The following USP17L2 variants were observed in gnomAD, a reference collection of about 807,000 sequenced individuals.
USP17L2 encodes the protein ubiquitin carboxyl-terminal hydrolase 17.
USP17L2 carries 29 observed loss-of-function variants against 39.8 expected under a neutral mutation model. The observed-to-expected ratio is 0.73, with a 90% CI of 0.54 to 0.99. The LOEUF (loss-of-function observed/expected upper bound fraction) is 0.99, where lower values mean the gene tolerates loss of function less well. Among genes scored for constraint, USP17L2 ranks in the 50% least tolerant of loss-of-function variants. The pLI is 0.00. For missense variants in USP17L2, 567 were observed against 647.2 expected (o/e 0.88, Z 1.35); for synonymous variants, 231 against 252.7 (o/e 0.91, Z 0.81).
Position 12,137,101 on chromosome 8 carries a change from G to A in USP17L2, c.*67C>T. 1 of 1,455,052 alleles carries A rather than the reference G, an allele frequency of 6.9e-7. No individual in the cohort carries two copies. The highest frequency in any genetic ancestry group is 9.4e-7 in the Non-Finnish European group (1 of 1,068,064). 90.1% of individuals were successfully genotyped at this position (1,455,052 alleles called of 1,614,324 possible). On this transcript the variant is annotated 3_prime_UTR_variant, in exon 1 of 1. Coordinates refer to ENST00000333796, the MANE Select transcript of USP17L2 (RefSeq NM_201402.3). Reference sequence around the variant, plus strand: ...TGTGTGTGTGTTTGCGTGCGCGCTTGTGGGTGTATTTGTGCGTGTGTGTGT... The same window carrying A: ...TGTGTGTGTGTTTGCGTGCGCGCTTATGGGTGTATTTGTGCGTGTGTGTGT...
rs377536053 is a variant in USP17L2 at position 12,137,978 on chromosome 8, C to T, written c.783G>A (p.Ala261=). ...GTAAAGTTAACGTCTTGGAGGCCGG[C>T]GCCCTCTGGAGACAAAGACCGCAAT... ...AYHCGLCLQR[A]PASKTLTLHT... The change falls in exon 1 of 1, where the codon GCG becomes GCA. Residue 261 remains alanine (A), a synonymous_variant. Coordinates refer to ENST00000333796, the MANE Select transcript of USP17L2 (RefSeq NM_201402.3). The T allele has an allele frequency of 1.2e-4, 181 of 1,500,766 alleles. 9 individuals carry two copies. Among genetic ancestry groups the T allele is most frequent in the African/African-American group, 8.7e-4 (58 of 66,636 alleles). 93.0% of individuals were successfully genotyped at this position (1,500,766 alleles called of 1,614,324 possible).
rs201618621 is a variant in USP17L2 at position 12,137,424 on chromosome 8, G to A, written c.1337C>T (p.Thr446Met). ...TTTTCTGACGTTGAACTCAGGCTTC[G>A]TTTTGTTTTGCTCTTGGGGGAATTT... ...HWKFPQEQNKTKPEFNVRKVE... is the reference protein window; with the variant it reads ...HWKFPQEQNKMKPEFNVRKVE... The change falls in exon 1 of 1, where the codon ACG becomes ATG. Residue 446 changes from threonine to methionine, a missense_variant. By Grantham distance (81) the Thr-to-Met change is moderately conservative. This residue lies in a region of USP17L2 where 304 missense variants were observed against 254.7 expected (regional missense o/e 1.19). Transcript: ENST00000333796. 3.0e-4 allele frequency: 467 copies of A among 1,532,354 alleles called. 37 individuals carry two copies. The African/African-American group carries it at 3.5e-3, about 11-fold the overall frequency. 94.9% of individuals were successfully genotyped at this position (1,532,354 alleles called of 1,614,324 possible).
chr8:12,137,807 G>A lies in USP17L2; in HGVS notation c.954C>T (p.Val318=), dbSNP rs1199709247. 2 of 1,480,998 alleles carry A rather than the reference G, an allele frequency of 1.4e-6. No homozygotes were observed. The highest frequency in any genetic ancestry group is 2.4e-4 in the Middle Eastern group (1 of 4,162). The allele number at this position is 1,480,998 out of a possible 1,614,324, so 91.7% of individuals were successfully genotyped here. ...SQQNTGPLVY[V]LYAVLVHAGW... ...CAGCGTGGACCAGCACAGCATAGAG[G>A]ACATAGACAAGAGGTCCTGTGTTCT... The change falls in exon 1 of 1, where the codon GTC becomes GTT. Residue 318 remains valine (V), a synonymous_variant. Coordinates refer to ENST00000333796, the MANE Select transcript of USP17L2 (RefSeq NM_201402.3).
Position 12,137,599 on chromosome 8 carries a change from C to T in USP17L2, c.1162G>A (p.Gly388Ser), listed in dbSNP as rs751578611. 1.3e-6 allele frequency: 2 copies of T among 1,523,552 alleles called. No homozygotes were observed. Among genetic ancestry groups the T allele is most frequent in the African/African-American group, 1.5e-5 (1 of 67,918 alleles). The allele number at this position is 1,523,552 out of a possible 1,614,324, so 94.4% of individuals were successfully genotyped here. A position where few individuals can be genotyped will look rare whatever the true frequency, so the allele number is the denominator to read the frequency against. The change falls in exon 1 of 1, where the codon GGC becomes AGC. Residue 388 changes from glycine to serine, a missense_variant. Around this residue, in one of 6 missense-constraint regions of USP17L2, gnomAD observed 304 missense variants for 254.7 expected, o/e 1.19. Coordinates refer to ENST00000333796, the MANE Select transcript of USP17L2 (RefSeq NM_201402.3). Reference sequence around the variant, plus strand: ...GCGCCGAGGGCTCTTGGTTCCCTGCCTCTTGACACACTCTCACTGTGTCTT... The same window carrying T: ...GCGCCGAGGGCTCTTGGTTCCCTGCTTCTTGACACACTCTCACTGTGTCTT... ...WERHSESVSR[G>S]REPRALGAED...
In USP17L2 at chr8:12,137,826, G is replaced by C; in HGVS notation, c.935C>G (p.Thr312Arg). The change falls in exon 1 of 1, where the codon ACA becomes AGA. Residue 312 changes from threonine (T) to arginine (R), a missense_variant. Transcript: ENST00000333796. ...DMQPYMSQQN[T>R]GPLVYVLYAV... Reference sequence around the variant, plus strand: ...ATAGAGGACATAGACAAGAGGTCCTGTGTTCTGCTGAGACATGTATGGCTG... The same window carrying C: ...ATAGAGGACATAGACAAGAGGTCCTCTGTTCTGCTGAGACATGTATGGCTG... 2.0e-6 allele frequency: 3 copies of C among 1,472,240 alleles called. No individual in the cohort carries two copies. Among genetic ancestry groups the C allele is most frequent in the South Asian group, 1.2e-5 (1 of 80,308 alleles). The allele number at this position is 1,472,240 out of a possible 1,614,324, so 91.2% of individuals were successfully genotyped here. A position where few individuals can be genotyped will look rare whatever the true frequency, so the allele number is the denominator to read the frequency against.
rs1383673724 is a variant in USP17L2 at position 12,137,987 on chromosome 8, G to T, written c.774C>A (p.Leu258=). 1 of 1,491,870 alleles carries T rather than the reference G, an allele frequency of 6.7e-7. No homozygotes were observed. Among genetic ancestry groups the T allele is most frequent in the Non-Finnish European group, 9.1e-7 (1 of 1,101,892 alleles). 92.4% of individuals were successfully genotyped at this position (1,491,870 alleles called of 1,614,324 possible). ...ACGTCTTGGAGGCCGGCGCCCTCTG[G>T]AGACAAAGACCGCAATGATAGGCAT... ...GENAYHCGLC[L]QRAPASKTLT... The change falls in exon 1 of 1, where the codon CTC becomes CTA. Residue 258 remains leucine (L), a synonymous_variant. Transcript: ENST00000333796.
At chr8:12,137,777 C>T in the USP17L2 span, 5 of 1,490,920 alleles carry the variant, frequency 3.4e-6, no homozygotes, top group Admixed American at 1.8e-5. Context: ...CGTGACAACT[C>T]CACCCAGCGT....
rs1486840146 is a variant in USP17L2 at position 12,137,651 on chromosome 8, G to C, written c.1110C>G (p.Leu370=). 1 of 1,530,282 alleles carries C rather than the reference G, an allele frequency of 6.5e-7. No homozygotes were observed. The highest frequency in any genetic ancestry group is 8.8e-7 in the Non-Finnish European group (1 of 1,131,934). The allele number at this position is 1,530,282 out of a possible 1,614,324, so 94.8% of individuals were successfully genotyped here. Residue 370 remains leucine, a synonymous_variant, in exon 1 of 1, where the codon CTC becomes CTG. Transcript: ENST00000333796. ...CCCATTCACTCTTCTGGATGTAAAAGAGGACATAGGCCTGTTGACTCAGGA... is the reference window on the plus strand; with the variant it reads ...CCCATTCACTCTTCTGGATGTAAAACAGGACATAGGCCTGTTGACTCAGGA... ...TSVLSQQAYV[L]FYIQKSEWER...
At position 12,137,119 on chromosome 8, in the gene USP17L2, G is replaced by T. The variant is rs1204991718; in HGVS notation, c.*49C>A. ...CGCGCTTGTGGGTGTATTTGTGCGT[G>T]TGTGTGTGTGCGTTCACCCCTACGT... On this transcript the variant is annotated 3_prime_UTR_variant, in exon 1 of 1. Transcript: ENST00000333796. 36 of 1,493,480 alleles carry T rather than the reference G, an allele frequency of 2.4e-5. 3 individuals are homozygous for T. The highest frequency in any genetic ancestry group is 3.2e-5 in the Non-Finnish European group (35 of 1,102,272). The allele number at this position is 1,493,480 out of a possible 1,614,324, so 92.5% of individuals were successfully genotyped here.
Position 12,137,003 on chromosome 8 carries a change from G to T in USP17L2, c.*165C>A, listed in dbSNP as rs188454321. On this transcript the variant is annotated 3_prime_UTR_variant, in exon 1 of 1. Transcript: ENST00000333796. The stretch of plus-strand genomic sequence containing the variant: ...GAGATGCAGCCATCACTATCCAGTT[G>T]TCCCTGTTGTAGAGACAGAAACTTG... 2.3e-3 allele frequency among the ~76,000 whole-genome samples: 325 copies of T among 140,824 alleles called. 37 individuals are homozygous for T. Among genetic ancestry groups the T allele is most frequent in the African/African-American group, 7.1e-3 (266 of 37,388 alleles). 92.4% of individuals were successfully genotyped at this position (140,824 alleles called of 152,430 possible). A position where few individuals can be genotyped will look rare whatever the true frequency, so the allele number is the denominator to read the frequency against.
Position 12,137,387 on chromosome 8 carries a change from G to T in USP17L2, c.1374C>A (p.Thr458=), listed in dbSNP as rs767223033. 2.6e-6 allele frequency: 4 copies of T among 1,531,850 alleles called. No individual in the cohort carries two copies. Among genetic ancestry groups the T allele is most frequent in the Non-Finnish European group, 3.5e-6 (4 of 1,135,320 alleles). 94.9% of individuals were successfully genotyped at this position (1,531,850 alleles called of 1,614,324 possible). A position where few individuals can be genotyped will look rare whatever the true frequency, so the allele number is the denominator to read the frequency against. ...PEFNVRKVEG[T]LPPNVLVIHQ... is the part of the protein sequence containing the mutation. Reference sequence around the variant, plus strand: ...GAATCACAAGTACGTTGGGAGGCAGGGTACCTTCGACTTTTCTGACGTTGA... The same window carrying T: ...GAATCACAAGTACGTTGGGAGGCAGTGTACCTTCGACTTTTCTGACGTTGA... Residue 458 remains threonine (T), a synonymous_variant, in exon 1 of 1, where the codon ACC becomes ACA. Coordinates refer to ENST00000333796, the MANE Select transcript of USP17L2 (RefSeq NM_201402.3).
rs549702401 is a variant in USP17L2 at position 12,137,246 on chromosome 8, G to C, written c.1515C>G (p.Leu505=). ...TDQESVNTGT[L]ASLQGRTRRS... The stretch of plus-strand genomic sequence containing the variant: ...TCCTGGTCCTCCCTTGCAGAGAAGC[G>C]AGGGTGCCAGTGTTCACGGACTCCT... Residue 505 remains leucine (L), a synonymous_variant, in exon 1 of 1, where the codon CTC becomes CTG. Transcript: ENST00000333796. 1.4e-5 allele frequency: 21 copies of C among 1,530,274 alleles called. 2 individuals carry two copies. Among genetic ancestry groups the C allele is most frequent in the Non-Finnish European group, 1.9e-5 (21 of 1,134,812 alleles). 94.8% of individuals were successfully genotyped at this position (1,530,274 alleles called of 1,614,324 possible). A position where few individuals can be genotyped will look rare whatever the true frequency, so the allele number is the denominator to read the frequency against.
Position 12,137,772 on chromosome 8 carries a change from C to A in USP17L2, c.989G>T (p.Cys330Phe), listed in dbSNP as rs201342238. 548 of 1,492,596 alleles carry A rather than the reference C, an allele frequency of 3.7e-4. 47 individuals are homozygous for A. In the South Asian group the frequency reaches 5.3e-3, roughly 14 times the overall value. 92.5% of individuals were successfully genotyped at this position (1,492,596 alleles called of 1,614,324 possible). Residue 330 changes from cysteine to phenylalanine, a missense_variant, in exon 1 of 1, where the codon TGT becomes TTT. By Grantham distance (205) the Cys-to-Phe change is radical. Transcript: ENST00000333796. Reference protein sequence around the residue: ...YAVLVHAGWSCHDGHYFSYVK... With the variant: ...YAVLVHAGWSFHDGHYFSYVK... The stretch of plus-strand genomic sequence containing the variant: ...ATAAGAGAAGTAATGTCCGTCGTGA[C>A]AACTCCACCCAGCGTGGACCAGCAC...
In USP17L2 at chr8:12,138,839, C is replaced by G. The variant is rs554653265; in HGVS notation, c.-79G>C. On this transcript the variant is annotated 5_prime_UTR_variant, in exon 1 of 1. Coordinates refer to ENST00000333796, the MANE Select transcript of USP17L2 (RefSeq NM_201402.3). The stretch of plus-strand genomic sequence containing the variant: ...AAGACGCTATCTCTTCCAAGAGAGT[C>G]TTCAAATGACGAGCTCTCTGGCCGC... 1.0e-6 allele frequency: 1 copy of G among 980,446 alleles called. No individual in the cohort carries two copies. The highest frequency in any genetic ancestry group is 1.4e-5 in the South Asian group (1 of 69,190). 60.7% of individuals were successfully genotyped at this position (980,446 alleles called of 1,614,324 possible).
rs376305799 is a variant in USP17L2 at position 12,137,375 on chromosome 8, G to T, written c.1386C>A (p.Asn462Lys). ...ATTTCGATTGATGAATCACAAGTAC[G>T]TTGGGAGGCAGGGTACCTTCGACTT... Reference protein sequence around the residue: ...VRKVEGTLPPNVLVIHQSKYK... With the variant: ...VRKVEGTLPPKVLVIHQSKYK... Residue 462 changes from asparagine to lysine, a missense_variant, in exon 1 of 1, where the codon AAC becomes AAA. By Grantham distance (94) the Asn-to-Lys change is moderately conservative. Around this residue, in one of 6 missense-constraint regions of USP17L2, gnomAD observed 304 missense variants for 254.7 expected, o/e 1.19. Coordinates refer to ENST00000333796, the MANE Select transcript of USP17L2 (RefSeq NM_201402.3). The T allele has an allele frequency of 1.4e-5, 22 of 1,531,712 alleles. 3 individuals are homozygous for T. Among genetic ancestry groups the T allele is most frequent in the Middle Eastern group, 2.3e-4 (1 of 4,438 alleles). The allele number at this position is 1,531,712 out of a possible 1,614,324, so 94.9% of individuals were successfully genotyped here.
chr8:12,137,785 C>T lies in USP17L2; in HGVS notation c.976G>A (p.Ala326Thr), dbSNP rs375059946. ...VYVLYAVLVH[A>T]GWSCHDGHYF... ...TGTCCGTCGTGACAACTCCACCCAGCGTGGACCAGCACAGCATAGAGGACA... is the reference window on the plus strand; with the variant it reads ...TGTCCGTCGTGACAACTCCACCCAGTGTGGACCAGCACAGCATAGAGGACA... Residue 326 changes from alanine to threonine, a missense_variant, in exon 1 of 1, where the codon GCT becomes ACT. Coordinates refer to ENST00000333796, the MANE Select transcript of USP17L2 (RefSeq NM_201402.3). 5.2e-5 allele frequency: 77 copies of T among 1,486,492 alleles called. 8 individuals are homozygous for T. In the African/African-American group the frequency reaches 6.1e-4, roughly 12 times the overall value. The allele number at this position is 1,486,492 out of a possible 1,614,324, so 92.1% of individuals were successfully genotyped here.
Position 12,136,435 on chromosome 8 carries a change from T to A in USP17L2, c.*733A>T, listed in dbSNP as rs1483132977. Among the ~76,000 whole-genome samples the A allele has an allele frequency of 2.1e-5, 3 of 141,068 alleles. No individual in the cohort carries two copies. The highest frequency in any genetic ancestry group is 4.6e-5 in the Non-Finnish European group (3 of 65,016). 92.5% of individuals were successfully genotyped at this position (141,068 alleles called of 152,430 possible). On this transcript the variant is annotated 3_prime_UTR_variant, in exon 1 of 1. Coordinates refer to ENST00000333796, the MANE Select transcript of USP17L2 (RefSeq NM_201402.3). ...TATTTCAGTTGAATACACACACTCC[T>A]GTGTTTGATTTCCTTTATTATCAAT...
rs375221330 is a variant in USP17L2, at chr8:12,137,497, C to G, written c.1264G>C (p.Glu422Gln). The G allele has an allele frequency of 4.6e-6, 7 of 1,532,684 alleles. 1 individual carries two copies. In the East Asian group the frequency reaches 1.0e-4, roughly 23 times the overall value. 94.9% of individuals were successfully genotyped at this position (1,532,684 alleles called of 1,614,324 possible). A position where few individuals can be genotyped will look rare whatever the true frequency, so the allele number is the denominator to read the frequency against. ...TGAGTGGCTCTTTCCACCAAGCGCT[C>G]GTCCAACTCGGGTGCCTGGAGGCAG... ...HPCLQAPELD[E>Q]RLVERATQES... The change falls in exon 1 of 1, where the codon GAG (glutamate) becomes CAG (glutamine). Residue 422 changes from glutamate to glutamine, a missense_variant. Physicochemically the swap from Glu to Gln is conservative, Grantham distance 29. This residue lies in a region of USP17L2 where 304 missense variants were observed against 254.7 expected (regional missense o/e 1.19). Coordinates refer to ENST00000333796, the MANE Select transcript of USP17L2 (RefSeq NM_201402.3).
In USP17L2 at chr8:12,137,523, G is replaced by T; in HGVS notation, c.1238C>A (p.Pro413His). Reference protein sequence around the residue: ...ATQGELKRDHPCLQAPELDER... With the variant: ...ATQGELKRDHHCLQAPELDER... The stretch of plus-strand genomic sequence containing the variant: ...GTCCAACTCGGGTGCCTGGAGGCAG[G>T]GGTGGTCTCTCTTGAGCTCTCCTTG... Residue 413 changes from proline to histidine, a missense_variant, in exon 1 of 1, where the codon CCC (proline) becomes CAC (histidine). Transcript: ENST00000333796. 6.5e-7 allele frequency: 1 copy of T among 1,533,134 alleles called. No homozygotes were observed. The highest frequency in any genetic ancestry group is 8.8e-7 in the Non-Finnish European group (1 of 1,135,252). 95.0% of individuals were successfully genotyped at this position (1,533,134 alleles called of 1,614,324 possible). A position where few individuals can be genotyped will look rare whatever the true frequency, so the allele number is the denominator to read the frequency against.
Sources: gnomAD v4.1 joint callset for allele counts (sites outside exome capture counted in the v4.1 genomes callset) on GRCh38, gnomAD v4.1.1 for gene constraint, gnomAD v4.1.1 regional missense constraint, MANE v1.5 for transcripts, NCBI Gene and HGNC (gene_info 2026-07-23, HGNC 2026-07-21) for gene names.